UBAC2: variants seen among roughly 807,000 people sequenced by gnomAD.
UBAC2 encodes UBA domain containing 2.
Under a neutral mutation model 44.0 loss-of-function variants are expected in UBAC2, and 26 were observed. The observed-to-expected ratio is 0.59, with a 90% CI of 0.43 to 0.82. UBAC2 has a LOEUF of 0.82. Among genes scored for constraint, UBAC2 ranks in the 40% least tolerant of loss-of-function variants. The pLI is 0.00. For synonymous variants in UBAC2, 155 were observed against 154.3 expected (o/e 1.00, Z -0.04); for missense variants, 329 against 419.4 (o/e 0.78, Z 1.88).
chr13:99,232,877 G>A lies in UBAC2; in HGVS notation c.32-5550G>A, dbSNP rs796737986. 5.9e-5 allele frequency among the ~76,000 whole-genome samples: 9 copies of A among 152,288 alleles called. No homozygotes were observed. The South Asian group carries it at 1.7e-3, about 28-fold the overall frequency. On this transcript the variant is annotated intron_variant, in intron 1 of 8. Transcript: ENST00000403766. ...GGATTGCTTGAGCCTAGGAGGTGGAGGTTGCAGTCAGCTGAGATCACGCCA... is the reference window on the plus strand; with the variant it reads ...GGATTGCTTGAGCCTAGGAGGTGGAAGTTGCAGTCAGCTGAGATCACGCCA...
chr13:99,335,239 A>G (rs1292841529), intron 6 of UBAC2, among the ~76,000 whole-genome samples: 4 of 152,214 alleles, frequency 2.6e-5, no homozygotes, highest in African/African-American at 9.7e-5. Flanking sequence ...TTTGTACTAC[A>G]TTTTTAATAT....
intron 1 of UBAC2, among the ~76,000 whole-genome samples, chr13:99,233,018 T>G (rs1429967701): frequency 6.6e-6 from 1 of 152,218 alleles, no homozygotes; most frequent in East Asian, 1.9e-4. Flanking sequence ...GAATCATGAT[T>G]TCAAAAATAT....
chr13:99,347,209 C>G, intron 7 of UBAC2, among the ~76,000 whole-genome samples: 1 of 151,622 alleles, frequency 6.6e-6, no homozygotes. Flanking sequence ...AAAAAGAACC[C>G]CCAGGGACCA....
chr13:99,303,457 C>T (rs1030285535), intron 4 of UBAC2, among the ~76,000 whole-genome samples: 1 of 152,110 alleles, frequency 6.6e-6, no homozygotes, highest in African/African-American at 2.4e-5. Context: ...ACCTATGTGG[C>T]TTTTGGTGGC....
intron 7 of UBAC2, among the ~76,000 whole-genome samples, chr13:99,353,850 G>C (rs768104392): frequency 6.6e-6 from 1 of 152,124 alleles, no homozygotes; most frequent in South Asian, 2.1e-4. Flanking sequence ...CCTTGATTTC[G>C]TGCAACCCCC....
chr13:99,367,594 A>AG (rs1426226977), intron 7 of UBAC2, among the ~76,000 whole-genome samples, 193 bp from the exon 8 acceptor site: 3 of 152,228 alleles, frequency 2.0e-5, no homozygotes, highest in Non-Finnish European at 4.4e-5. Flanking sequence ...CACCTACTGC[A>AG]GGCTGCCAAT....
chr13:99,236,688 A>G (rs1286107852), intron 1 of UBAC2, among the ~76,000 whole-genome samples: 1 of 152,164 alleles, frequency 6.6e-6, no homozygotes, highest in Non-Finnish European at 1.5e-5. Flanking sequence ...CGTCTCTACT[A>G]AAAATACAGA....
chr13:99,219,884 C>T (rs780994707), intron 1 of UBAC2, among the ~76,000 whole-genome samples: 1 of 152,154 alleles, frequency 6.6e-6, no homozygotes, highest in Non-Finnish European at 1.5e-5. Flanking sequence ...TATGTTGTAG[C>T]ATGTATCAGG....
intron 1 of UBAC2, among the ~76,000 whole-genome samples, chr13:99,207,462 G>C (rs2042886012): frequency 6.6e-6 from 1 of 152,186 alleles, no homozygotes; most frequent in Non-Finnish European, 1.5e-5. Flanking sequence ...CTTAAAAGGT[G>C]ATCTTCCCTT....
intron 1 of UBAC2, among the ~76,000 whole-genome samples, chr13:99,232,140 G>T (rs1462552598): frequency 6.6e-6 from 1 of 152,120 alleles, no homozygotes; most frequent in African/African-American, 2.4e-5. Context: ...TATTAGAAGT[G>T]TGTATCTATG....
chr13:99,334,437 A>T (rs980177450), intron 6 of UBAC2, among the ~76,000 whole-genome samples: 8 of 152,226 alleles, frequency 5.3e-5, no homozygotes, highest in Non-Finnish European at 8.8e-5. Flanking sequence ...ACGTCTTTTC[A>T]TTACAGCATT....
chr13:99,334,150 G>A (rs370547441), intron 6 of UBAC2, among the ~76,000 whole-genome samples: 2 of 151,818 alleles, frequency 1.3e-5, no homozygotes, highest in African/African-American at 4.8e-5. Context: ...TTTAGAGATG[G>A]GGGTCTTGCT....
chr13:99,225,455 GGTTCAT>G (rs1222903057), intron 1 of UBAC2, among the ~76,000 whole-genome samples: 1 of 152,148 alleles, frequency 6.6e-6, no homozygotes, highest in Non-Finnish European at 1.5e-5. Flanking sequence ...ATGTCCTCAA[GGTTCAT>G]GCATGTTGTT....
At chr13:99,220,643 A>C (rs1007744909) in intron 1 of UBAC2, among the ~76,000 whole-genome samples, 2 of 152,212 alleles carry the variant, frequency 1.3e-5, no homozygotes, top group African/African-American at 2.4e-5. Flanking sequence ...AATTTGTAGC[A>C]TCCCTGTTTT....
intron 4 of UBAC2, chr13:99,255,412 G>A (rs776554722): frequency 6.2e-7 from 1 of 1,613,990 alleles, no homozygotes; most frequent in Admixed American, 1.7e-5. Context: ...TAGCAGAGGG[G>A]TGGTCGTGGT....
intron 1 of UBAC2, among the ~76,000 whole-genome samples, chr13:99,206,817 C>A (rs1281606767): frequency 1.3e-5 from 2 of 152,222 alleles, no homozygotes; most frequent in African/African-American, 4.8e-5. Context: ...CAGTCTCTCC[C>A]CATCTCTTCA....
chr13:99,385,354 G>C lies in UBAC2; in HGVS notation c.*19G>C, dbSNP rs755700594. 1 of 1,602,794 alleles carries C rather than the reference G, an allele frequency of 6.2e-7. No homozygotes were observed. Among genetic ancestry groups the C allele is most frequent in the Non-Finnish European group, 8.5e-7 (1 of 1,170,190 alleles). On this transcript the variant is annotated 3_prime_UTR_variant, in exon 9 of 9. Transcript: ENST00000403766. Reference sequence around the variant, plus strand: ...GCACTGATAGTCCCAGGCCAACACTGGGACCGGACCGGCAGCCGAGTGACA... The same window carrying C: ...GCACTGATAGTCCCAGGCCAACACTCGGACCGGACCGGCAGCCGAGTGACA...
intron 4 of UBAC2, among the ~76,000 whole-genome samples, chr13:99,277,915 G>A (rs915888585): frequency 6.6e-5 from 10 of 152,138 alleles, no homozygotes; most frequent in African/African-American, 1.4e-4. Flanking sequence ...GGAACATAAC[G>A]TTCTTCTAAT....
intron 7 of UBAC2, among the ~76,000 whole-genome samples, chr13:99,359,464 G>A (rs527706932): frequency 2.6e-5 from 4 of 152,222 alleles, no homozygotes; most frequent in East Asian, 3.9e-4. Flanking sequence ...CTTGATCTCC[G>A]TGGTAGGTCA....
Sources: gnomAD v4.1 joint callset for allele counts (sites outside exome capture counted in the v4.1 genomes callset) on GRCh38, gnomAD v4.1.1 for gene constraint, MANE v1.5 for transcripts, NCBI Gene and HGNC (gene_info 2026-07-23, HGNC 2026-07-21) for gene names.